Variants in CLPB observed in about 807,000 individuals in gnomAD.
CLPB encodes the protein ClpB family mitochondrial disaggregase.
In CLPB, 40 loss-of-function variants were observed where a neutral mutation model predicts 78.4. The observed-to-expected ratio is 0.51, with a 90% confidence interval of 0.40 to 0.66. The LOEUF is 0.66. Ranked by LOEUF, CLPB falls within the 30% of genes least tolerant of loss-of-function variation. CLPB has a pLI of 0.00. For synonymous variants in CLPB, 333 were observed against 348.0 expected (o/e 0.96, Z 0.48); for missense variants, 780 against 886.9 (o/e 0.88, Z 1.53).
At chr11:72,378,648 C>T (rs534115999) in intron 4 of CLPB, among the ~76,000 whole-genome samples, 1 of 152,304 alleles carries the variant, frequency 6.6e-6, no homozygotes, top group Admixed American at 6.5e-5. Flanking sequence ...GAAGACAGAG[C>T]TGAGCACTGC....
intron 3 of CLPB, among the ~76,000 whole-genome samples, chr11:72,402,438 C>T (rs1299970164): frequency 6.6e-6 from 1 of 152,166 alleles, no homozygotes; most frequent in African/African-American, 2.4e-5. Flanking sequence ...ACTCACTACA[C>T]AAAGTAAACT....
intron 2 of CLPB, among the ~76,000 whole-genome samples, chr11:72,422,192 A>G (rs1856224282): frequency 1.4e-5 from 2 of 144,796 alleles, no homozygotes; most frequent in Non-Finnish European, 1.5e-5. Flanking sequence ...CGTGAACCCG[A>G]GAGGCGGAGC....
At chr11:72,353,339 G>C (rs1565456230) in intron 5 of CLPB, 1 of 152,322 alleles carries the variant, frequency 6.6e-6, no homozygotes, top group East Asian at 1.9e-4. Context: ...TAAAGCCCAA[G>C]TGTTTCTGAA....
At chr11:72,374,694 C>T (rs1219562919) in intron 4 of CLPB, among the ~76,000 whole-genome samples, 1 of 152,198 alleles carries the variant, frequency 6.6e-6, no homozygotes, top group African/African-American at 2.4e-5. Flanking sequence ...AAAGAAGTTT[C>T]TTTCCTCCCT....
intron 6 of CLPB, among the ~76,000 whole-genome samples, chr11:72,320,535 A>G (rs1237133786): frequency 6.6e-6 from 1 of 152,120 alleles, no homozygotes; most frequent in Non-Finnish European, 1.5e-5. Flanking sequence ...GGAGTCCCAG[A>G]TATCTATGCC....
Position 72,333,281 on chromosome 11 carries a change from TG to T in CLPB, c.776-3478del, listed in dbSNP as rs536559710. Among the ~76,000 whole-genome samples, 298 of 152,322 alleles carry T rather than the reference TG, an allele frequency of 2.0e-3. 2 individuals are homozygous for T. Among genetic ancestry groups the T allele is most frequent in the Non-Finnish European group, 2.8e-3 (192 of 68,026 alleles). The stretch of plus-strand genomic sequence containing the variant: ...ACCTCCCTAGGAAGGAGTGTGTCTG[TG>T]GTCTTCCTAACTACTGGGCAAGTCC... On this transcript the variant is annotated intron_variant, in intron 5 of 15. Coordinates refer to ENST00000538039, the MANE Select transcript of CLPB (RefSeq NM_001258392.3).
chr11:72,425,750 C>G (rs1023677272), intron 2 of CLPB, among the ~76,000 whole-genome samples: 6 of 152,324 alleles, frequency 3.9e-5, no homozygotes, highest in East Asian at 1.9e-4. Context: ...TGCATACCCC[C>G]CAGGCTGCTC....
intron 3 of CLPB, among the ~76,000 whole-genome samples, chr11:72,395,054 A>G (rs1488094333): frequency 6.6e-6 from 1 of 152,014 alleles, no homozygotes; most frequent in Non-Finnish European, 1.5e-5. Context: ...TATGTTACCA[A>G]TCAAATCCTG....
intron 4 of CLPB, among the ~76,000 whole-genome samples, chr11:72,379,755 G>C (rs1414838393): frequency 3.9e-5 from 6 of 152,186 alleles, no homozygotes; most frequent in Non-Finnish European, 8.8e-5. Context: ...GACAGTCCCA[G>C]AGACAGGACT....
chr11:72,317,027 C>T lies in CLPB; in HGVS notation c.988+79G>A. ...TGCTAATTTTTAATATTATTAACAGCGCCTATCCAGTTTGGTGACGACAGG... is the reference window on the plus strand; with the variant it reads ...TGCTAATTTTTAATATTATTAACAGTGCCTATCCAGTTTGGTGACGACAGG... On this transcript the variant is annotated intron_variant, in intron 7 of 15. Coordinates refer to ENST00000538039, the MANE Select transcript of CLPB (RefSeq NM_001258392.3). 10 of 876,474 alleles carry T rather than the reference C, an allele frequency of 1.1e-5. 1 individual carries two copies. In the Middle Eastern group the frequency reaches 1.6e-3, roughly 140 times the overall value. 54.3% of individuals were successfully genotyped at this position (876,474 alleles called of 1,614,324 possible).
intron 2 of CLPB, among the ~76,000 whole-genome samples, chr11:72,403,898 T>C (rs1251141102): frequency 2.6e-5 from 4 of 152,198 alleles, no homozygotes; most frequent in African/African-American, 9.6e-5. Flanking sequence ...ACTGAGCACC[T>C]TCTACAAGCA....
intron 2 of CLPB, among the ~76,000 whole-genome samples, chr11:72,409,212 T>C (rs1855802312): frequency 6.6e-6 from 1 of 152,144 alleles, no homozygotes; most frequent in Admixed American, 6.5e-5. Flanking sequence ...CTAGGTCTCC[T>C]GCTTGGCAGG....
At position 72,291,970 on chromosome 11, in the gene CLPB, G is replaced by A. The variant is rs1949458033; in HGVS notation, c.*1397C>T. On this transcript the variant is annotated 3_prime_UTR_variant, in exon 16 of 16. Coordinates refer to ENST00000538039, the MANE Select transcript of CLPB (RefSeq NM_001258392.3). ...AGGCAGGAGAATGGCGTGAACCTGG[G>A]AGGCAGGGCTTGCAGTGAGCCGAGA... The A allele has an allele frequency of 6.7e-6, 1 of 150,074 alleles. No homozygotes were observed. 9.3% of individuals were successfully genotyped at this position (150,074 alleles called of 1,614,324 possible). A position where few individuals can be genotyped will look rare whatever the true frequency, so the allele number is the denominator to read the frequency against.
At chr11:72,346,845 G>C (rs1175673015) in intron 5 of CLPB, among the ~76,000 whole-genome samples, 1 of 151,914 alleles carries the variant, frequency 6.6e-6, no homozygotes, top group Non-Finnish European at 1.5e-5. Flanking sequence ...GCCGGGCTTG[G>C]TGGTGGGCAC....
chr11:72,309,539 C>T (rs1341312163), intron 7 of CLPB, among the ~76,000 whole-genome samples: 4 of 152,104 alleles, frequency 2.6e-5, no homozygotes, highest in Non-Finnish European at 5.9e-5. Context: ...CACAAATACC[C>T]GGAGAGGAAA....
chr11:72,417,890 T>G (rs909731212), intron 2 of CLPB, among the ~76,000 whole-genome samples: 3 of 152,140 alleles, frequency 2.0e-5, no homozygotes, highest in African/African-American at 7.2e-5. Context: ...CCTTGGGAAT[T>G]CCGGGGGCCT....
chr11:72,375,234 C>T (rs575139147), intron 4 of CLPB, among the ~76,000 whole-genome samples: 2 of 152,288 alleles, frequency 1.3e-5, no homozygotes, highest in Admixed American at 6.5e-5. Flanking sequence ...TCCAATTCCT[C>T]CTCCACCCTG....
Position 72,333,013 on chromosome 11 carries a change from A to T in CLPB, c.776-3209T>A, listed in dbSNP as rs1170264686. 2.6e-5 allele frequency: 4 copies of T among 152,094 alleles called. No homozygotes were observed. In the East Asian group the frequency reaches 5.8e-4, roughly 22 times the overall value. 9.4% of individuals were successfully genotyped at this position (152,094 alleles called of 1,614,324 possible). A position where few individuals can be genotyped will look rare whatever the true frequency, so the allele number is the denominator to read the frequency against. Reference sequence around the variant, plus strand: ...TAACACTGGTATTTATTGAGCACTTACTCTGTGCCAGGCACTGTGCTCGGT... The same window carrying T: ...TAACACTGGTATTTATTGAGCACTTTCTCTGTGCCAGGCACTGTGCTCGGT... On this transcript the variant is annotated intron_variant, in intron 5 of 15. Coordinates refer to ENST00000538039, the MANE Select transcript of CLPB (RefSeq NM_001258392.3).
chr11:72,358,800 ATCCCACCCCTCCTC>A, intron 5 of CLPB, 66 bp downstream of exon 5: 1 of 88,290 alleles, frequency 1.1e-5, no homozygotes, highest in Non-Finnish European at 2.2e-5. Context: ...GCCAAGCCCC[ATCCCACCCCTCCTC>A]CACCCCCCCC....
Sources: allele counts gnomAD v4.1 joint callset (sites outside exome capture counted in the v4.1 genomes callset), GRCh38; gene constraint gnomAD v4.1.1; transcripts MANE v1.5; gene names NCBI Gene and HGNC (gene_info 2026-07-23, HGNC 2026-07-21).